IAPP: variants seen among roughly 807,000 people sequenced by gnomAD.
The protein encoded by IAPP is Islet amyloid polypeptide (diabetes-associated peptide; amylin).
IAPP carries 4 observed loss-of-function variants against 2.9 expected under a neutral mutation model. That is an observed-to-expected ratio of 1.39 (90% confidence interval 0.69 to 3.19). The LOEUF is 3.19. IAPP is among the 30% of genes most tolerant of loss of function. The pLI is 0.01. For missense variants in IAPP, 114 were observed against 105.3 expected (o/e 1.08, Z -0.36); for synonymous variants, 40 against 42.1 (o/e 0.95, Z 0.19).
chr12:21,369,923 T>C (rs1939659443), upstream of IAPP, among the ~76,000 whole-genome samples: 1 of 152,194 alleles, frequency 6.6e-6, no homozygotes, highest in South Asian at 2.1e-4. Flanking sequence ...ATGTAAACTC[T>C]GAAGCTATTT....
upstream of IAPP, among the ~76,000 whole-genome samples, chr12:21,372,197 G>T (rs962303395): frequency 6.6e-6 from 1 of 152,172 alleles, no homozygotes; most frequent in African/African-American, 2.4e-5. Flanking sequence ...AAATTTCTGT[G>T]TAAGAATGAA....
intron 2 of IAPP, among the ~76,000 whole-genome samples, chr12:21,375,536 A>G (rs891987080): frequency 2.6e-5 from 4 of 152,212 alleles, no homozygotes; most frequent in Non-Finnish European, 5.9e-5. Context: ...GGATAAAAGG[A>G]TCACATACTT....
chr12:21,364,602 C>T (rs1415517854), intron 1 of IAPP, among the ~76,000 whole-genome samples: 3 of 152,158 alleles, frequency 2.0e-5, no homozygotes, highest in Non-Finnish European at 4.4e-5. Context: ...AAGAGGAAGT[C>T]AAATTGTCCC....
In IAPP at chr12:21,378,485, A is replaced by G; in HGVS notation, c.*59A>G. On this transcript the variant is annotated 3_prime_UTR_variant, in exon 3 of 3. Coordinates refer to ENST00000240652, the MANE Select transcript of IAPP (RefSeq NM_000415.3). ...TTCTAGTGATTTCCTGTATAATTTA[A>G]CAGTGCCCTTTTCATCTCCAGTGTG... is the stretch of plus-strand genomic sequence containing the variant. The G allele has an allele frequency of 7.2e-7, 1 of 1,393,590 alleles. No individual in the cohort carries two copies. Among genetic ancestry groups the G allele is most frequent in the Non-Finnish European group, 1.0e-6 (1 of 979,792 alleles). 86.3% of individuals were successfully genotyped at this position (1,393,590 alleles called of 1,614,324 possible). A position where few individuals can be genotyped will look rare whatever the true frequency, so the allele number is the denominator to read the frequency against.
At chr12:21,362,447 G>T (rs572079697) in intron 1 of IAPP, among the ~76,000 whole-genome samples, 1 of 152,126 alleles carries the variant, frequency 6.6e-6, no homozygotes, top group African/African-American at 2.4e-5. Flanking sequence ...GCAAAAACAT[G>T]CCAAATTGTA....
Position 21,376,552 on chromosome 12 carries a change from G to C in IAPP, c.81-1685G>C, listed in dbSNP as rs182718036. 5.9e-5 allele frequency among the ~76,000 whole-genome samples: 9 copies of C among 152,096 alleles called. No homozygotes were observed. The East Asian group carries it at 1.7e-3, about 29-fold the overall frequency. On this transcript the variant is annotated intron_variant, in intron 2 of 2. Coordinates refer to ENST00000240652, the MANE Select transcript of IAPP (RefSeq NM_000415.3). Reference sequence around the variant, plus strand: ...ATCCCAAAGTGGTTTTCTTTGCCCAGATAATTTGTTCAAACATTTGTCAGC... The same window carrying C: ...ATCCCAAAGTGGTTTTCTTTGCCCACATAATTTGTTCAAACATTTGTCAGC...
intron 2 of IAPP, chr12:21,376,450 G>C (rs143743430): frequency 5.3e-6 from 1 of 189,298 alleles, no homozygotes; most frequent in Non-Finnish European, 1.2e-5. Context: ...ATGTACATTG[G>C]TCATATTTAT....
chr12:21,373,620 T>C lies in IAPP; in HGVS notation c.80+189T>C, dbSNP rs1343826970. 2.9e-6 allele frequency: 2 copies of C among 700,426 alleles called. 1 individual carries two copies. The highest frequency in any genetic ancestry group is 3.0e-5 in the South Asian group (2 of 67,200). 43.4% of individuals were successfully genotyped at this position (700,426 alleles called of 1,614,324 possible). The stretch of plus-strand genomic sequence containing the variant: ...GAATAACACCAGTGGCAAATAAATA[T>C]CTTTGATGGAACTTCTGACAGACAG... On this transcript the variant is annotated intron_variant, in intron 2 of 2. Transcript: ENST00000240652.
intron 1 of IAPP, among the ~76,000 whole-genome samples, chr12:21,358,948 A>G (rs1212528157): frequency 6.6e-6 from 1 of 152,204 alleles, no homozygotes; most frequent in Non-Finnish European, 1.5e-5. Context: ...CAGGCTGAAG[A>G]TATTCACATA....
At chr12:21,360,788 G>A (rs1007899672) in intron 1 of IAPP, among the ~76,000 whole-genome samples, 3 of 152,208 alleles carry the variant, frequency 2.0e-5, no homozygotes, top group African/African-American at 7.2e-5. Flanking sequence ...CTCGCTCACT[G>A]CTAGCACAGC....
At chr12:21,373,735 T>C (rs1939975266) in intron 2 of IAPP, 1 of 700,978 alleles carries the variant, frequency 1.4e-6, no homozygotes, top group Non-Finnish European at 2.6e-6. Flanking sequence ...AATCAAAAGG[T>C]AGTAATTTCT....
chr12:21,363,226 T>C (rs1170052838), intron 1 of IAPP, among the ~76,000 whole-genome samples: 8 of 152,098 alleles, frequency 5.3e-5, no homozygotes, highest in Non-Finnish European at 1.2e-4. Flanking sequence ...AAACTAGAAC[T>C]CAGGATTAAG....
chr12:21,356,946 C>T (rs1938414680), intron 1 of IAPP, among the ~76,000 whole-genome samples: 1 of 151,482 alleles, frequency 6.6e-6, no homozygotes, highest in Non-Finnish European at 1.5e-5. Flanking sequence ...TACTAGATTA[C>T]AAATATAAAT....
At chr12:21,372,479 C>G (rs528018944), upstream of IAPP, among the ~76,000 whole-genome samples, 5 of 152,216 alleles carry the variant, frequency 3.3e-5, no homozygotes, top group Admixed American at 3.3e-4. Context: ...CCTTATATCT[C>G]CATTTATTCC....
chr12:21,357,577 A>T (rs1462516088), intron 1 of IAPP, among the ~76,000 whole-genome samples: 1 of 152,242 alleles, frequency 6.6e-6, no homozygotes, highest in Non-Finnish European at 1.5e-5. Flanking sequence ...CCAAATCTCC[A>T]ACTGGACTAT....
chr12:21,378,615 T>G lies in IAPP; in HGVS notation c.*189T>G, dbSNP rs1328711806. ...AAGGTCCCATAATAAAAAGATAGTA[T>G]CTTTTAAAATGAAATGTTTTTGCTA... On this transcript the variant is annotated 3_prime_UTR_variant, in exon 3 of 3. Transcript: ENST00000240652. 5.7e-6 allele frequency: 3 copies of G among 529,866 alleles called. No individual in the cohort carries two copies. The highest frequency in any genetic ancestry group is 1.0e-5 in the Non-Finnish European group (3 of 299,896). 32.8% of individuals were successfully genotyped at this position (529,866 alleles called of 1,614,324 possible).
At chr12:21,378,043 A>T (rs1238087594) in intron 2 of IAPP, among the ~76,000 whole-genome samples, 194 bp from the exon 3 acceptor site, 3 of 152,226 alleles carry the variant, frequency 2.0e-5, no homozygotes, top group African/African-American at 7.2e-5. Flanking sequence ...AAGATGTTGT[A>T]TGATTTTCAA....
chr12:21,363,643 C>A (rs1056401819), intron 1 of IAPP, among the ~76,000 whole-genome samples: 2 of 152,096 alleles, frequency 1.3e-5, no homozygotes, highest in Non-Finnish European at 2.9e-5. Flanking sequence ...AATTGATAGA[C>A]TGCTAGCAAG....
chr12:21,363,051 G>T (rs546427114), intron 1 of IAPP, among the ~76,000 whole-genome samples: 1 of 152,170 alleles, frequency 6.6e-6, no homozygotes, highest in Non-Finnish European at 1.5e-5. Context: ...GGACCTAATA[G>T]ACATCTACAG....
Sources: allele counts gnomAD v4.1 joint callset (sites outside exome capture counted in the v4.1 genomes callset), GRCh38; gene constraint gnomAD v4.1.1; transcripts MANE v1.5; gene names NCBI Gene and HGNC (gene_info 2026-07-23, HGNC 2026-07-21).